CUL5: variants seen among roughly 807,000 people sequenced by gnomAD.
The protein encoded by CUL5 is cullin 5, also known as cullin-5.
A neutral mutation model predicts 108.8 loss-of-function variants in CUL5; 26 were observed. The ratio of observed to expected loss-of-function variants is 0.24; its 90% CI spans 0.18 to 0.33. The LOEUF (loss-of-function observed/expected upper bound fraction) is 0.33. CUL5 is among the 10% of genes least tolerant of loss of function. The probability of loss-of-function intolerance (pLI) is 1.00; values close to 1 mark genes in which losing one functional copy is unlikely to be tolerated. For synonymous variants in CUL5, 334 were observed against 298.0 expected (o/e 1.12, Z -1.25); for missense variants, 524 against 909.2 (o/e 0.58, Z 5.45).
Position 108,066,468 on chromosome 11 carries a change from A to T in CUL5, c.781-3628A>T, listed in dbSNP as rs561696099. Among the ~76,000 whole-genome samples, 386 of 152,034 alleles carry T rather than the reference A, an allele frequency of 2.5e-3. 2 individuals carry two copies. Among genetic ancestry groups the T allele is most frequent in the African/African-American group, 8.6e-3 (358 of 41,482 alleles). On this transcript the variant is annotated intron_variant, in intron 7 of 18. Coordinates refer to ENST00000393094, the MANE Select transcript of CUL5 (RefSeq NM_003478.6). Reference sequence around the variant, plus strand: ...GAGTCACTCTACTCCAATAAGAAATATTTTTTTATTCATACAACTCACTCT... The same window carrying T: ...GAGTCACTCTACTCCAATAAGAAATTTTTTTTTATTCATACAACTCACTCT...
intron 3 of CUL5, among the ~76,000 whole-genome samples, chr11:108,047,622 T>C (rs1863099329): frequency 6.6e-6 from 1 of 152,224 alleles, no homozygotes; most frequent in Non-Finnish European, 1.5e-5. Context: ...TTAAGTGTTT[T>C]ATTGATAGTT....
At chr11:108,056,078 C>G (rs1303847900) in intron 7 of CUL5, among the ~76,000 whole-genome samples, 1 of 152,164 alleles carries the variant, frequency 6.6e-6, no homozygotes, top group Non-Finnish European at 1.5e-5. Flanking sequence ...AATACCTGGC[C>G]TCAAAATATT....
chr11:108,047,947 A>C (rs1230864230), intron 3 of CUL5, among the ~76,000 whole-genome samples: 1 of 152,174 alleles, frequency 6.6e-6, no homozygotes, highest in Non-Finnish European at 1.5e-5. Flanking sequence ...AAAAAAAAGT[A>C]GGGGAGGGTT....
intron 10 of CUL5, among the ~76,000 whole-genome samples, chr11:108,074,739 G>A (rs560600421): frequency 6.6e-4 from 100 of 152,250 alleles, no homozygotes; most frequent in Non-Finnish European, 1.2e-3. Flanking sequence ...CCAGGAGGTG[G>A]AGGTTGTGGT....
intron 11 of CUL5, among the ~76,000 whole-genome samples, chr11:108,087,643 TA>T (rs1485306275): frequency 6.6e-6 from 1 of 152,068 alleles, no homozygotes; most frequent in Non-Finnish European, 1.5e-5. Flanking sequence ...AGTTATTTTT[TA>T]AAAAAACAAT....
intron 18 of CUL5, 81 bp downstream of exon 18, chr11:108,098,610 T>A: frequency 8.1e-7 from 1 of 1,235,768 alleles, no homozygotes; most frequent in Non-Finnish European, 1.1e-6. Context: ...AAATCTTTTT[T>A]GAATTTAAAA....
At chr11:108,038,600 G>A (rs564163267) in intron 2 of CUL5, among the ~76,000 whole-genome samples, 22 of 151,664 alleles carry the variant, frequency 1.5e-4, no homozygotes, top group East Asian at 1.9e-4. Context: ...ACTTGAATCC[G>A]GCAGGCAGAG....
In CUL5 at chr11:108,054,919, T is replaced by C. The variant is rs142787597; in HGVS notation, c.744T>C (p.Tyr248=). 3 of 1,608,996 alleles carry C rather than the reference T, an allele frequency of 1.9e-6. No homozygotes were observed. Among genetic ancestry groups the C allele is most frequent in the South Asian group, 1.1e-5 (1 of 89,324 alleles). The change falls in exon 7 of 19, where the codon TAT becomes TAC. Residue 248 remains tyrosine, a synonymous_variant. Coordinates refer to ENST00000393094, the MANE Select transcript of CUL5 (RefSeq NM_003478.6). ...AAGAAGAAAAACGAGCACTACGTTA[T>C]TTAGAAACAAGACGAGAATGTAACT... The part of the protein sequence containing the change: ...LKEEEKRALR[Y]LETRRECNSV...
intron 2 of CUL5, among the ~76,000 whole-genome samples, chr11:108,045,372 G>A (rs946371726): frequency 3.3e-5 from 5 of 152,112 alleles, no homozygotes; most frequent in Non-Finnish European, 5.9e-5. Flanking sequence ...CAGGAGAATT[G>A]CTTGAGGATT....
chr11:108,039,353 CCTT>C (rs1169020903), intron 2 of CUL5, among the ~76,000 whole-genome samples: 4 of 152,104 alleles, frequency 2.6e-5, no homozygotes, highest in Admixed American at 6.6e-5. Context: ...CATGAACACT[CCTT>C]CTGTGTCTTT....
chr11:108,024,435 T>A (rs1363963542), intron 1 of CUL5, among the ~76,000 whole-genome samples: 1 of 152,094 alleles, frequency 6.6e-6, no homozygotes, highest in East Asian at 1.9e-4. Context: ...AAAATAATAA[T>A]AATAATAATA....
chr11:108,066,757 CAG>C (rs1424683104), intron 7 of CUL5, among the ~76,000 whole-genome samples: 2 of 152,192 alleles, frequency 1.3e-5, no homozygotes, highest in African/African-American at 4.8e-5. Context: ...TAGCTGTGGA[CAG>C]AGCACAATCT....
intron 1 of CUL5, among the ~76,000 whole-genome samples, chr11:108,020,391 C>T (rs1862299168): frequency 6.6e-6 from 1 of 152,070 alleles, no homozygotes; most frequent in Non-Finnish European, 1.5e-5. Context: ...GATCCTGACC[C>T]TGTGGAGGCC....
intron 7 of CUL5, among the ~76,000 whole-genome samples, chr11:108,065,510 T>A (rs1863652152): frequency 6.6e-6 from 1 of 152,118 alleles, no homozygotes; most frequent in East Asian, 1.9e-4. Flanking sequence ...CTAGGGCTGG[T>A]CTAAATGCTC....
At chr11:108,088,412 C>T in intron 11 of CUL5, 115 bp from the exon 12 acceptor site, 1 of 1,176,088 alleles carries the variant, frequency 8.5e-7, no homozygotes, top group Non-Finnish European at 1.2e-6. Context: ...TAGTTCCAAA[C>T]CTGATCACTA....
chr11:108,107,164 T>G lies in CUL5; in HGVS notation c.*2780T>G, dbSNP rs1413674615. The G allele has an allele frequency of 2.6e-5, 4 of 152,178 alleles. No individual in the cohort carries two copies. The highest frequency in any genetic ancestry group is 2.0e-4 in the Admixed American group (3 of 15,274). The allele number at this position is 152,178 out of a possible 1,614,324, so 9.4% of individuals were successfully genotyped here. A position where few individuals can be genotyped will look rare whatever the true frequency, so the allele number is the denominator to read the frequency against. On this transcript the variant is annotated 3_prime_UTR_variant, in exon 19 of 19. Transcript: ENST00000393094. ...GGAGGGGTCCCTGAGTTCTGTCAACTTTTTTATTTAAGTCTCTTGCTCTTA... is the reference window on the plus strand; with the variant it reads ...GGAGGGGTCCCTGAGTTCTGTCAACGTTTTTATTTAAGTCTCTTGCTCTTA...
chr11:108,072,003 C>G (rs1283130428), intron 8 of CUL5, among the ~76,000 whole-genome samples: 3 of 151,940 alleles, frequency 2.0e-5, no homozygotes, highest in African/African-American at 4.8e-5. Flanking sequence ...ATTGGGAGAC[C>G]CTGTCTCTAC....
chr11:108,058,770 T>C (rs1282597357), intron 7 of CUL5, among the ~76,000 whole-genome samples: 1 of 152,146 alleles, frequency 6.6e-6, no homozygotes, highest in Non-Finnish European at 1.5e-5. Flanking sequence ...TCTTACAGTT[T>C]TATTTTTACT....
intron 10 of CUL5, among the ~76,000 whole-genome samples, chr11:108,074,947 ACT>A (rs1327988562): frequency 2.0e-5 from 3 of 152,172 alleles, no homozygotes; most frequent in African/African-American, 4.8e-5. Context: ...ATCATGTAAG[ACT>A]CTGAGCCATG....
Sources: gnomAD v4.1 joint callset for allele counts (sites outside exome capture counted in the v4.1 genomes callset) on GRCh38, gnomAD v4.1.1 for gene constraint, MANE v1.5 for transcripts, NCBI Gene and HGNC (gene_info 2026-07-23, HGNC 2026-07-21) for gene names.